Variants in NKAIN3 observed in about 807,000 individuals in gnomAD.
NKAIN3 encodes the protein sodium/potassium transporting ATPase interacting 3.
A neutral mutation model predicts 30.2 loss-of-function variants in NKAIN3; 25 were observed. That is an observed-to-expected ratio of 0.83 (90% CI 0.60 to 1.16). The LOEUF is 1.16. Ranked by LOEUF, NKAIN3 falls within the 50% of genes most tolerant of loss-of-function variation. The pLI is 0.00. For synonymous variants in NKAIN3, 91 were observed against 89.6 expected, an observed-to-expected ratio of 1.02 and a Z score of -0.09; for missense variants, 225 against 254.1, an observed-to-expected ratio of 0.89 and a Z score of 0.78.
intron 1 of NKAIN3, among the ~76,000 whole-genome samples, chr8:62,333,654 A>T (rs1815430375): frequency 6.6e-6 from 1 of 152,140 alleles, no homozygotes; most frequent in African/African-American, 2.4e-5. Flanking sequence ...AGTAAACATA[A>T]GCAGCACAAA....
intron 4 of NKAIN3, among the ~76,000 whole-genome samples, chr8:62,881,121 AG>A (rs1485087552): frequency 5.3e-5 from 8 of 152,226 alleles, no homozygotes; most frequent in African/African-American, 1.7e-4. Context: ...CATTACCAAA[AG>A]CCCATCATTT....
At chr8:62,847,238 T>C (rs1586262787) in intron 4 of NKAIN3, among the ~76,000 whole-genome samples, 1 of 152,186 alleles carries the variant, frequency 6.6e-6, no homozygotes, top group African/African-American at 2.4e-5. Flanking sequence ...GTATTTCTGC[T>C]GCTAGGTCTT....
chr8:62,853,027 T>C (rs1443928374), intron 4 of NKAIN3, among the ~76,000 whole-genome samples: 2 of 152,200 alleles, frequency 1.3e-5, no homozygotes, highest in Non-Finnish European at 2.9e-5. Context: ...TTCTGTCTTG[T>C]TGACCTGTCT....
chr8:62,826,498 T>A (rs1207027733), intron 4 of NKAIN3, among the ~76,000 whole-genome samples: 1 of 152,136 alleles, frequency 6.6e-6, no homozygotes, highest in Non-Finnish European at 1.5e-5. Flanking sequence ...GGAGCAAGAG[T>A]CTCTTTTCTC....
intron 1 of NKAIN3, among the ~76,000 whole-genome samples, chr8:62,534,872 T>TTTCATATAGTTTCTGATTTTC (rs1808605067): frequency 6.6e-6 from 1 of 151,698 alleles, no homozygotes; most frequent in Admixed American, 6.6e-5. Context: ...TTTTTTTTTT[T>TTTCATATAGTTTCTGATTTTC]TTCGTATAGT....
intron 3 of NKAIN3, among the ~76,000 whole-genome samples, chr8:62,680,713 GGTGT>G (rs141207002): frequency 6.7e-6 from 1 of 150,094 alleles, no homozygotes; most frequent in Non-Finnish European, 1.5e-5. Flanking sequence ...TTTGAAGGCT[GGTGT>G]GTGTGTGTGT....
intron 1 of NKAIN3, among the ~76,000 whole-genome samples, chr8:62,286,202 C>A (rs1813374602): frequency 6.6e-6 from 1 of 152,092 alleles, no homozygotes; most frequent in African/African-American, 2.4e-5. Flanking sequence ...TTCTTAAATT[C>A]AGGACACTAA....
chr8:62,296,710 A>G (rs1813842448), intron 1 of NKAIN3, among the ~76,000 whole-genome samples: 1 of 152,138 alleles, frequency 6.6e-6, no homozygotes, highest in African/African-American at 2.4e-5. Context: ...AAAAATAAAT[A>G]TGCTTCTTTG....
At chr8:62,524,246 G>A (rs891334324) in intron 1 of NKAIN3, among the ~76,000 whole-genome samples, 4 of 148,540 alleles carry the variant, frequency 2.7e-5, no homozygotes, top group African/African-American at 7.5e-5. Context: ...ATATATATTA[G>A]CAAATATACC....
At position 62,498,297 on chromosome 8, in the gene NKAIN3, A is replaced by C. The variant is rs147137053; in HGVS notation, c.55-81242A>C. Reference sequence around the variant, plus strand: ...ACTTAGTTTCTGGTTTATTTTATTCAATGCAATTGCTCTTCTCCTCAGACC... The same window carrying C: ...ACTTAGTTTCTGGTTTATTTTATTCCATGCAATTGCTCTTCTCCTCAGACC... On this transcript the variant is annotated intron_variant, in intron 1 of 6. Coordinates refer to ENST00000623646, the MANE Select transcript of NKAIN3 (RefSeq NM_001304533.3). Among the ~76,000 whole-genome samples the C allele has an allele frequency of 7.9e-3, 1,204 of 152,206 alleles. 19 individuals carry two copies. The highest frequency in any genetic ancestry group is 0.028 in the African/African-American group (1,156 of 41,538).
chr8:62,605,170 G>C (rs930134366), intron 3 of NKAIN3, among the ~76,000 whole-genome samples: 2 of 152,122 alleles, frequency 1.3e-5, no homozygotes, highest in Non-Finnish European at 2.9e-5. Flanking sequence ...TGGGTCAGAA[G>C]TCTCATGTAG....
chr8:62,657,218 G>GTTT (rs1176281097), intron 3 of NKAIN3, among the ~76,000 whole-genome samples: 2 of 152,042 alleles, frequency 1.3e-5, no homozygotes, highest in Non-Finnish European at 2.9e-5. Context: ...CCCAAAATAC[G>GTTT]TTTTTCAATA....
chr8:62,595,377 A>ATTTT (rs1411998143), intron 3 of NKAIN3, among the ~76,000 whole-genome samples: 9 of 57,694 alleles, frequency 1.6e-4, no homozygotes, highest in South Asian at 5.6e-4. Flanking sequence ...TTTTGGGGCT[A>ATTTT]TTTTCTTTTT....
chr8:62,698,488 C>G (rs1432074174), intron 3 of NKAIN3, among the ~76,000 whole-genome samples: 1 of 152,240 alleles, frequency 6.6e-6, no homozygotes, highest in African/African-American at 2.4e-5. Context: ...GCACACACAC[C>G]CTCTCACTTG....
At chr8:62,622,517 C>A (rs556023200) in intron 3 of NKAIN3, among the ~76,000 whole-genome samples, 2 of 151,856 alleles carry the variant, frequency 1.3e-5, no homozygotes, top group African/African-American at 2.4e-5. Flanking sequence ...GGCTTTAATT[C>A]GCATTTCCTT....
chr8:62,874,800 A>G (rs947459494), intron 4 of NKAIN3, among the ~76,000 whole-genome samples: 1 of 152,240 alleles, frequency 6.6e-6, no homozygotes, highest in African/African-American at 2.4e-5. Flanking sequence ...TAAACTAGGT[A>G]TTGATGGAAT....
chr8:62,871,532 A>G (rs2130802702), intron 4 of NKAIN3, among the ~76,000 whole-genome samples: 1 of 152,358 alleles, frequency 6.6e-6, no homozygotes, highest in East Asian at 1.9e-4. Context: ...AATGAACAAT[A>G]TTATTAACTG....
intron 5 of NKAIN3, among the ~76,000 whole-genome samples, chr8:62,951,744 T>C (rs1276143716): frequency 6.6e-6 from 1 of 152,186 alleles, no homozygotes; most frequent in African/African-American, 2.4e-5. Flanking sequence ...ATTACAGGCA[T>C]AAGCCACTGC....
intron 1 of NKAIN3, among the ~76,000 whole-genome samples, chr8:62,286,654 G>A (rs1312799721): frequency 6.6e-6 from 1 of 152,078 alleles, no homozygotes; most frequent in Admixed American, 6.6e-5. Context: ...ACCATGGCAA[G>A]TCACTGCTAC....
Sources: gnomAD v4.1 joint callset for allele counts (sites outside exome capture counted in the v4.1 genomes callset) on GRCh38, gnomAD v4.1.1 for gene constraint, MANE v1.5 for transcripts, NCBI Gene and HGNC (gene_info 2026-07-23, HGNC 2026-07-21) for gene names.